Variants in STIM1 observed in about 807,000 individuals in gnomAD.
STIM1 encodes the protein stromal interaction molecule 1.
Under a neutral mutation model 74.7 loss-of-function variants are expected in STIM1, and 25 were observed. The observed-to-expected ratio is 0.33, with a 90% confidence interval of 0.24 to 0.47. The LOEUF (loss-of-function observed/expected upper bound fraction) is 0.47, where lower values mean the gene tolerates loss of function less well. STIM1 is among the 20% of genes least tolerant of loss of function. STIM1 has a pLI of 1.00. For missense variants in STIM1, 728 were observed against 920.8 expected (o/e 0.79, Z 2.71); for synonymous variants, 328 against 348.8 (o/e 0.94, Z 0.66).
intron 1 of STIM1, among the ~76,000 whole-genome samples, chr11:3,940,847 A>G (rs1343904009): frequency 1.3e-5 from 2 of 152,186 alleles, no homozygotes; most frequent in Non-Finnish European, 2.9e-5. Flanking sequence ...TTTATTTAAA[A>G]GAGATGTTTT....
At chr11:4,020,803 A>G (rs547046549) in intron 2 of STIM1, among the ~76,000 whole-genome samples, 28 of 151,546 alleles carry the variant, frequency 1.8e-4, no homozygotes, top group East Asian at 1.4e-3. Context: ...GAGTCTCCCT[A>G]TGCTGCCCAG....
intron 1 of STIM1, among the ~76,000 whole-genome samples, chr11:3,895,090 A>C (rs1220109173): frequency 6.6e-6 from 1 of 152,140 alleles, no homozygotes; most frequent in East Asian, 1.9e-4. Context: ...ACCTCTTAGC[A>C]ATAGCTTTGG....
chr11:4,056,157 C>T (rs1480752509), intron 4 of STIM1, among the ~76,000 whole-genome samples: 1 of 152,144 alleles, frequency 6.6e-6, no homozygotes, highest in East Asian at 1.9e-4. Flanking sequence ...TTTAGCCTCC[C>T]CTGGGTTATC....
intron 4 of STIM1, chr11:4,058,977 G>A (rs936573857): frequency 3.4e-6 from 4 of 1,172,962 alleles, no homozygotes. Flanking sequence ...ATAAACCCTG[G>A]AAGGAGAAGC....
chr11:3,910,637 T>G (rs538529183), intron 1 of STIM1, among the ~76,000 whole-genome samples: 1 of 152,258 alleles, frequency 6.6e-6, no homozygotes, highest in South Asian at 2.1e-4. Context: ...CACTGAATTG[T>G]TCACTTAAAA....
intron 3 of STIM1, among the ~76,000 whole-genome samples, chr11:4,043,445 G>C (rs1435415029): frequency 6.6e-6 from 1 of 152,072 alleles, no homozygotes; most frequent in Non-Finnish European, 1.5e-5. Flanking sequence ...GTAGTCTGTG[G>C]GGGTAAGTGA....
chr11:4,053,436 A>G (rs953781373), intron 3 of STIM1, among the ~76,000 whole-genome samples: 13 of 152,208 alleles, frequency 8.5e-5, no homozygotes, highest in Non-Finnish European at 1.3e-4. Flanking sequence ...TTGTAGGGAC[A>G]TGGATGAAGC....
At chr11:3,987,664 A>C (rs905220923) in intron 2 of STIM1, among the ~76,000 whole-genome samples, 2 of 152,208 alleles carry the variant, frequency 1.3e-5, no homozygotes, top group Admixed American at 6.5e-5. Context: ...TCACATAGTA[A>C]CTACTCAGTA....
At chr11:3,863,864 G>A (rs59228238) in intron 1 of STIM1, among the ~76,000 whole-genome samples, 7 of 152,042 alleles carry the variant, frequency 4.6e-5, no homozygotes, top group South Asian at 2.1e-4. Flanking sequence ...CAATTATTCC[G>A]CTTTATTAAT....
At chr11:4,085,563 A>C (rs1236877540) in intron 11 of STIM1, among the ~76,000 whole-genome samples, 1 of 152,242 alleles carries the variant, frequency 6.6e-6, no homozygotes, top group Non-Finnish European at 1.5e-5. Context: ...GAACATTAGC[A>C]TAAAAAGCAT....
In STIM1 at chr11:3,944,173, C is replaced by A. The variant is rs370759593; in HGVS notation, c.140-23379C>A. Among the ~76,000 whole-genome samples the A allele has an allele frequency of 7.9e-5, 12 of 152,338 alleles. No homozygotes were observed. In the East Asian group the frequency reaches 2.1e-3, roughly 27 times the overall value. ...AGAGGAAGGGGCCTTAGGCTGGGGC[C>A]AAATTCTATGTCTTCTATGCAGACG... On this transcript the variant is annotated intron_variant, in intron 1 of 12. Coordinates refer to ENST00000526596, the MANE Select transcript of STIM1 (RefSeq NM_001382567.1).
intron 5 of STIM1, among the ~76,000 whole-genome samples, chr11:4,067,488 A>T (rs924152388): frequency 2.6e-5 from 4 of 152,236 alleles, no homozygotes; most frequent in African/African-American, 9.6e-5. Context: ...GGGCCATATT[A>T]GACATCTCCA....
At chr11:3,968,046 C>T (rs2093356653) in intron 2 of STIM1, among the ~76,000 whole-genome samples, 2 of 152,206 alleles carry the variant, frequency 1.3e-5, no homozygotes, top group South Asian at 4.1e-4. Context: ...CTGTTCTCAG[C>T]CCTGTGTTGG....
Position 4,084,714 on chromosome 11 carries a change from C to T in STIM1, c.1516C>T (p.Leu506Phe). The change falls in exon 11 of 13, where the codon CTC (leucine) becomes TTC (phenylalanine). Residue 506 changes from leucine (L) to phenylalanine (F), a missense_variant. Physicochemically the swap from Leu to Phe is conservative, Grantham distance 22. Around this residue, in one of 5 missense-constraint regions of STIM1, gnomAD observed 352 missense variants for 370.1 expected, o/e 0.95. Coordinates refer to ENST00000526596, the MANE Select transcript of STIM1 (RefSeq NM_001382567.1). ...LMGRRFSDRS[L>F]CSTSAGSDDQ... is the part of the protein sequence containing the mutation. ...GGGGCGTAGGTTCAGTGACCGCTCTCTCTGCTCTACATCCGCCGGCTCGGA... is the reference window on the plus strand; with the variant it reads ...GGGGCGTAGGTTCAGTGACCGCTCTTTCTGCTCTACATCCGCCGGCTCGGA... The T allele has an allele frequency of 7.8e-7, 1 of 1,289,460 alleles. No homozygotes were observed. Among genetic ancestry groups the T allele is most frequent in the Non-Finnish European group, 1.0e-6 (1 of 988,882 alleles). The allele number at this position is 1,289,460 out of a possible 1,614,324, so 79.9% of individuals were successfully genotyped here.
chr11:3,960,910 C>T (rs1342348780), intron 1 of STIM1, among the ~76,000 whole-genome samples: 1 of 152,010 alleles, frequency 6.6e-6, no homozygotes. Flanking sequence ...ATATTATTTA[C>T]ATTAATATGT....
At chr11:3,937,317 T>TAATAATAATAATAAA (rs1224367253) in intron 1 of STIM1, among the ~76,000 whole-genome samples, 9 of 149,378 alleles carry the variant, frequency 6.0e-5, no homozygotes, top group African/African-American at 2.0e-4. Flanking sequence ...ATAATAATAA[T>TAATAATAATAATAAA]AAAATATCTG....
At chr11:4,073,892 CCAAGAG>C (rs1194646130) in intron 6 of STIM1, among the ~76,000 whole-genome samples, 1 of 135,928 alleles carries the variant, frequency 7.4e-6, no homozygotes, top group East Asian at 2.3e-4. Flanking sequence ...GCTCAGGAGT[CCAAGAG>C]GACTCCTAGC....
At chr11:3,996,610 A>AT (rs1289033559) in intron 2 of STIM1, among the ~76,000 whole-genome samples, 6 of 152,174 alleles carry the variant, frequency 3.9e-5, no homozygotes, top group Non-Finnish European at 7.4e-5. Flanking sequence ...TTTCTGTGTC[A>AT]TTGAGTTGGG....
chr11:3,947,103 T>G (rs1444879526), intron 1 of STIM1, among the ~76,000 whole-genome samples: 2 of 151,812 alleles, frequency 1.3e-5, no homozygotes, highest in African/African-American at 4.8e-5. Flanking sequence ...TCTTAGTGTT[T>G]TTTTTTTTTT....
Sources: allele counts gnomAD v4.1 joint callset (sites outside exome capture counted in the v4.1 genomes callset), GRCh38; gene constraint gnomAD v4.1.1; regional missense constraint gnomAD v4.1.1; transcripts MANE v1.5; gene names NCBI Gene and HGNC (gene_info 2026-07-23, HGNC 2026-07-21).